Variants in SGCG observed in about 807,000 individuals in gnomAD.
SGCG encodes gamma-sarcoglycan.
Under a neutral mutation model 29.3 loss-of-function variants are expected in SGCG, and 26 were observed. The ratio of observed to expected loss-of-function variants is 0.89; its 90% CI spans 0.65 to 1.23. The LOEUF is 1.23. Ranked by LOEUF, SGCG falls within the 50% of genes most tolerant of loss-of-function variation. The probability of loss-of-function intolerance (pLI) is 0.00; values close to 1 mark genes in which losing one functional copy is unlikely to be tolerated. For synonymous variants in SGCG, 145 were observed against 129.7 expected (o/e 1.12, Z -0.80); for missense variants, 353 against 356.0 (o/e 0.99, Z 0.07).
At chr13:23,180,020 C>T (rs1876678034), upstream of SGCG, among the ~76,000 whole-genome samples, 1 of 152,044 alleles carries the variant, frequency 6.6e-6, no homozygotes, top group African/African-American at 2.4e-5. Context: ...CCGAACCCCA[C>T]CTTTCTCCCT....
chr13:23,287,081 AT>A, intron 5 of SGCG, among the ~76,000 whole-genome samples: 1 of 152,330 alleles, frequency 6.6e-6, no homozygotes, highest in African/African-American at 2.4e-5. Flanking sequence ...TGAGCCCTGT[AT>A]ATTTCCTTCT....
At chr13:23,310,374 C>G (rs561777257) in intron 6 of SGCG, among the ~76,000 whole-genome samples, 10,635 of 152,172 alleles carry the variant, frequency 0.07, 1,273 homozygotes, top group African/African-American at 0.24. Context: ...GCGTGAGCCA[C>G]CGCGCCGGGC....
chr13:23,196,924 A>G (rs1184400707), intron 1 of SGCG, among the ~76,000 whole-genome samples: 1 of 152,188 alleles, frequency 6.6e-6, no homozygotes, highest in African/African-American at 2.4e-5. Context: ...AGTCATTCCC[A>G]ATACTAGCAT....
chr13:23,217,549 C>A (rs921418811), intron 2 of SGCG: 10 of 152,002 alleles, frequency 6.6e-5, no homozygotes, highest in Non-Finnish European at 4.4e-5. Flanking sequence ...TCTGAGAATT[C>A]CTGAGTCTTT....
intron 2 of SGCG, among the ~76,000 whole-genome samples, chr13:23,225,807 ACC>A (rs1555237089): frequency 6.9e-6 from 1 of 144,910 alleles, no homozygotes; most frequent in South Asian, 2.3e-4. Flanking sequence ...ACACACACAC[ACC>A]CCTACATACA....
intron 3 of SGCG, chr13:23,246,107 T>G: frequency 6.4e-6 from 1 of 155,752 alleles, no homozygotes; most frequent in Non-Finnish European, 1.4e-5. Context: ...AACAACAACA[T>G]ATTCCAGAAT....
At chr13:23,179,077 T>C (rs1264727477), upstream of SGCG, among the ~76,000 whole-genome samples, 2 of 152,236 alleles carry the variant, frequency 1.3e-5, no homozygotes, top group African/African-American at 4.8e-5. Context: ...ATAGGCTTAC[T>C]AGCTTTGTAA....
chr13:23,248,506 T>C (rs7328693), intron 3 of SGCG, among the ~76,000 whole-genome samples: 101,288 of 150,898 alleles, frequency 0.67, 34,341 homozygotes, highest in East Asian at 0.9. Flanking sequence ...GGAGACCATC[T>C]TGGCTAACGC....
intron 5 of SGCG, 43 bp from the exon 6 acceptor site, chr13:23,295,372 T>G (rs1479867814): frequency 7.2e-7 from 1 of 1,391,452 alleles, no homozygotes; most frequent in East Asian, 2.3e-5. Context: ...TTGGTGTCAC[T>G]TATTTTACTT....
At chr13:23,234,466 T>C (rs567743409) in intron 2 of SGCG, 145 bp from the exon 3 acceptor site, 3 of 592,794 alleles carry the variant, frequency 5.1e-6, no homozygotes, top group South Asian at 4.1e-5. Context: ...CAATTAAAGA[T>C]GCAAAGTTTT....
At chr13:23,226,131 C>A (rs969060946) in intron 2 of SGCG, among the ~76,000 whole-genome samples, 1 of 152,110 alleles carries the variant, frequency 6.6e-6, no homozygotes, top group African/African-American at 2.4e-5. Context: ...GTTCTACTCA[C>A]CCAGTGATTA....
the SGCG span, among the ~76,000 whole-genome samples, chr13:23,163,883 A>G: frequency 0.047 from 7,155 of 152,306 alleles, 241 homozygotes; most frequent in East Asian, 0.097. Context: ...TACTTTTATA[A>G]GGAATGTTTA....
chr13:23,306,621 A>G (rs1294742101), intron 6 of SGCG, among the ~76,000 whole-genome samples: 2 of 152,236 alleles, frequency 1.3e-5, no homozygotes, highest in East Asian at 3.8e-4. Context: ...TCACATCCTT[A>G]GTTCCAAGTA....
intron 7 of SGCG, among the ~76,000 whole-genome samples, chr13:23,321,286 A>G (rs758541693): frequency 2.0e-5 from 3 of 152,204 alleles, no homozygotes; most frequent in Non-Finnish European, 4.4e-5. Context: ...GTCCCCCTTT[A>G]TTGACAGGGG....
chr13:23,174,324 AT>A, the SGCG span, among the ~76,000 whole-genome samples: 1 of 152,200 alleles, frequency 6.6e-6, no homozygotes, highest in East Asian at 1.9e-4. Flanking sequence ...AATGGTCATG[AT>A]TACTACAAGT....
intron 3 of SGCG, among the ~76,000 whole-genome samples, chr13:23,239,708 A>T (rs1879435563): frequency 6.6e-6 from 1 of 152,220 alleles, no homozygotes. Context: ...AGAAAAAGAT[A>T]GAGGTACTGC....
intron 6 of SGCG, among the ~76,000 whole-genome samples, chr13:23,318,240 T>C (rs144089274): frequency 6.6e-6 from 1 of 152,246 alleles, no homozygotes; most frequent in African/African-American, 2.4e-5. Flanking sequence ...ATCCTACTAG[T>C]TATGTCCCTC....
At chr13:23,186,433 T>G (rs564487435) in intron 1 of SGCG, among the ~76,000 whole-genome samples, 2 of 152,294 alleles carry the variant, frequency 1.3e-5, no homozygotes, top group Non-Finnish European at 2.9e-5. Context: ...GGACTCACAT[T>G]GTGTCCTCTG....
intron 6 of SGCG, among the ~76,000 whole-genome samples, chr13:23,317,214 A>G (rs1053624084): frequency 5.3e-5 from 8 of 152,170 alleles, no homozygotes; most frequent in Non-Finnish European, 7.4e-5. Flanking sequence ...AGATGAAATC[A>G]GTCTACTACA....
Sources: allele counts gnomAD v4.1 joint callset (sites outside exome capture counted in the v4.1 genomes callset), GRCh38; gene constraint gnomAD v4.1.1; transcripts MANE v1.5; gene names NCBI Gene and HGNC (gene_info 2026-07-23, HGNC 2026-07-21).